Variants in TMTC2 observed in about 807,000 individuals in gnomAD.
TMTC2 encodes transmembrane O-mannosyltransferase targeting cadherins 2, also known as protein O-mannosyl-transferase TMTC2.
TMTC2 carries 43 observed loss-of-function variants against 82.4 expected under a neutral mutation model. That is an observed-to-expected ratio of 0.52 (90% CI 0.41 to 0.67). The LOEUF is 0.67. Ranked by LOEUF, TMTC2 falls within the 30% of genes least tolerant of loss-of-function variation. The pLI, the probability that TMTC2 is intolerant of heterozygous loss-of-function variation, is 0.00. For synonymous variants in TMTC2, 408 were observed against 381.9 expected, an observed-to-expected ratio of 1.07 and a Z score of -0.80; for missense variants, 919 against 1,012.4, an observed-to-expected ratio of 0.91 and a Z score of 1.25.
rs1416420498 is a variant in TMTC2, at chr12:83,030,899, T to C, written c.2152+20T>C. On this transcript the variant is annotated intron_variant, in intron 9 of 11. Coordinates refer to ENST00000321196, the MANE Select transcript of TMTC2 (RefSeq NM_152588.3). ...ATTATGGTGAGTGGTTGATAGTTTT[T>C]TTTCCATGTCCCCCACATTTACTAT... 9.5e-6 allele frequency: 15 copies of C among 1,571,458 alleles called. No individual in the cohort carries two copies. Among genetic ancestry groups the C allele is most frequent in the Non-Finnish European group, 1.3e-5 (15 of 1,141,502 alleles).
Position 82,783,852 on chromosome 12 carries a change from G to C in TMTC2, c.84-73158G>C, listed in dbSNP as rs530679683. 2.6e-5 allele frequency among the ~76,000 whole-genome samples: 4 copies of C among 152,094 alleles called. No homozygotes were observed. The South Asian group carries it at 8.3e-4, about 32-fold the overall frequency. On this transcript the variant is annotated intron_variant, in intron 1 of 11. Coordinates refer to ENST00000321196, the MANE Select transcript of TMTC2 (RefSeq NM_152588.3). ...ATCAAAGCAGCAATCAACCTCAAAT[G>C]GTTCTCTCCTAGTCTTGGTTTGCTC...
intron 1 of TMTC2, among the ~76,000 whole-genome samples, chr12:82,766,765 G>A (rs556466605): frequency 3.8e-4 from 57 of 151,936 alleles, no homozygotes; most frequent in African/African-American, 1.3e-3. Context: ...AGAAATTCTG[G>A]TATCATTGTT....
Position 82,729,750 on chromosome 12 carries a change from G to A in TMTC2, c.83+42081G>A, listed in dbSNP as rs193159537. The stretch of plus-strand genomic sequence containing the variant: ...CTGCCCAAGCTAGCAGTGGCAACCC[G>A]CAGGGGCCGTTTTCCGTGCTGTGGT... On this transcript the variant is annotated intron_variant, in intron 1 of 11. Transcript: ENST00000321196. Among the ~76,000 whole-genome samples the A allele has an allele frequency of 1.7e-3, 255 of 152,310 alleles. 1 individual carries two copies. The highest frequency in any genetic ancestry group is 5.9e-3 in the African/African-American group (245 of 41,570).
chr12:82,834,805 G>T (rs1869938397), intron 1 of TMTC2, among the ~76,000 whole-genome samples: 1 of 152,090 alleles, frequency 6.6e-6, no homozygotes, highest in Admixed American at 6.5e-5. Context: ...CAAACACTAT[G>T]AGATGGTGAA....
In TMTC2 at chr12:83,089,045, G is replaced by A. The variant is rs577712736; in HGVS notation, c.2331+27214G>A. Among the ~76,000 whole-genome samples the A allele has an allele frequency of 7.7e-4, 117 of 152,198 alleles. 3 individuals carry two copies. Among genetic ancestry groups the A allele is most frequent in the African/African-American group, 2.6e-3 (110 of 41,530 alleles). Reference sequence around the variant, plus strand: ...ACTTCCTTGCCAAAATCATGACCACGGGGGAAACTAAATAAGCACCTTTAT... The same window carrying A: ...ACTTCCTTGCCAAAATCATGACCACAGGGGAAACTAAATAAGCACCTTTAT... On this transcript the variant is annotated intron_variant, in intron 11 of 11. Coordinates refer to ENST00000321196, the MANE Select transcript of TMTC2 (RefSeq NM_152588.3).
rs1873627580 is a variant in TMTC2, at chr12:82,895,716, T to C, written c.655-102T>C. 3 of 1,081,224 alleles carry C rather than the reference T, an allele frequency of 2.8e-6. No homozygotes were observed. The Admixed American group carries it at 8.4e-5, about 30-fold the overall frequency. 67.0% of individuals were successfully genotyped at this position (1,081,224 alleles called of 1,614,324 possible). On this transcript the variant is annotated intron_variant, in intron 2 of 11. Transcript: ENST00000321196. ...TGTTTTGGAGACATCATGCTGTGTT[T>C]TTAACGGTCCATTTAAAAATGTATT...
chr12:82,804,506 A>G (rs915839128), intron 1 of TMTC2, among the ~76,000 whole-genome samples: 2 of 152,278 alleles, frequency 1.3e-5, no homozygotes, highest in South Asian at 4.1e-4. Context: ...AAGCAATGAT[A>G]ATTTTTGTTT....
chr12:82,988,757 T>C (rs1879279148), intron 8 of TMTC2, among the ~76,000 whole-genome samples: 1 of 150,896 alleles, frequency 6.6e-6, no homozygotes, highest in South Asian at 2.1e-4. Flanking sequence ...CCAGGGAAAC[T>C]AAATCACAGT....
At chr12:82,719,085 AT>A (rs71068944) in intron 1 of TMTC2, among the ~76,000 whole-genome samples, 59 of 41,404 alleles carry the variant, frequency 1.4e-3, no homozygotes, top group Admixed American at 2.4e-3. Flanking sequence ...ATATATATAT[AT>A]TTTTTTTTTT....
intron 3 of TMTC2, among the ~76,000 whole-genome samples, chr12:82,927,919 T>C (rs1248480218): frequency 1.3e-5 from 2 of 152,200 alleles, no homozygotes; most frequent in Admixed American, 6.5e-5. Context: ...ATAACTTTTA[T>C]ACACACTAGA....
intron 1 of TMTC2, among the ~76,000 whole-genome samples, chr12:82,812,163 C>G (rs1868436274): frequency 6.6e-6 from 1 of 151,956 alleles, no homozygotes; most frequent in Non-Finnish European, 1.5e-5. Context: ...AATGCTAGTA[C>G]CATAATTTTT....
At chr12:82,803,401 A>G (rs1328277094) in intron 1 of TMTC2, among the ~76,000 whole-genome samples, 1 of 152,114 alleles carries the variant, frequency 6.6e-6, no homozygotes, top group Non-Finnish European at 1.5e-5. Context: ...CTCTCTGAAA[A>G]TGACGGTTGG....
At chr12:82,826,224 C>T (rs1869411879) in intron 1 of TMTC2, among the ~76,000 whole-genome samples, 3 of 152,120 alleles carry the variant, frequency 2.0e-5, no homozygotes, top group Non-Finnish European at 4.4e-5. Context: ...GTATGTATAT[C>T]CGGTACTCAT....
At chr12:83,031,317 T>C (rs770555698) in intron 9 of TMTC2, among the ~76,000 whole-genome samples, 10 of 152,230 alleles carry the variant, frequency 6.6e-5, no homozygotes, top group Non-Finnish European at 1.3e-4. Context: ...AAGATATGGA[T>C]GTACACTAGC....
At chr12:82,866,639 A>T (rs1313261437) in intron 2 of TMTC2, among the ~76,000 whole-genome samples, 1 of 152,104 alleles carries the variant, frequency 6.6e-6, no homozygotes, top group Non-Finnish European at 1.5e-5. Flanking sequence ...ACTGAGGGGG[A>T]TCCGATGGAT....
At chr12:82,689,092 G>C (rs1872465578) in intron 1 of TMTC2, among the ~76,000 whole-genome samples, 1 of 152,192 alleles carries the variant, frequency 6.6e-6, no homozygotes, top group Non-Finnish European at 1.5e-5. Context: ...CATGCTCTGA[G>C]AAATGGTCTG....
intron 3 of TMTC2, among the ~76,000 whole-genome samples, chr12:82,898,031 A>G (rs1008431299): frequency 2.0e-5 from 3 of 152,186 alleles, no homozygotes; most frequent in Non-Finnish European, 4.4e-5. Context: ...GATGAGCACA[A>G]ATTAAGTCAA....
chr12:82,813,776 G>A (rs1868533449), intron 1 of TMTC2, among the ~76,000 whole-genome samples: 1 of 151,902 alleles, frequency 6.6e-6, no homozygotes, highest in Non-Finnish European at 1.5e-5. Context: ...TGTACTTATT[G>A]ATTTAATGTT....
intron 1 of TMTC2, among the ~76,000 whole-genome samples, chr12:82,814,812 T>A (rs1055058306): frequency 6.6e-6 from 1 of 152,186 alleles, no homozygotes; most frequent in Non-Finnish European, 1.5e-5. Flanking sequence ...AATTGACCTT[T>A]ACATTGAGTT....
Sources: gnomAD v4.1 joint callset for allele counts (sites outside exome capture counted in the v4.1 genomes callset) on GRCh38, gnomAD v4.1.1 for gene constraint, MANE v1.5 for transcripts, NCBI Gene and HGNC (gene_info 2026-07-23, HGNC 2026-07-21) for gene names.